The following RCC1 variants were observed in gnomAD, a reference collection of about 807,000 sequenced individuals.
RCC1 encodes the protein regulator of chromosome condensation 1.
In RCC1, 11 loss-of-function variants were observed where a neutral mutation model predicts 44.4. The ratio of observed to expected loss-of-function variants is 0.25; its 90% CI spans 0.16 to 0.41. The LOEUF is 0.41. Ranked by LOEUF, RCC1 falls within the 10% of genes least tolerant of loss-of-function variation. RCC1 has a pLI of 1.00. For missense variants in RCC1, 386 were observed against 547.1 expected, an observed-to-expected ratio of 0.71 and a Z score of 2.94; for synonymous variants, 213 against 216.5, an observed-to-expected ratio of 0.98 and a Z score of 0.14.
rs563219375 is a variant in RCC1 at position 28,512,070 on chromosome 1, G to T, written c.-153+3165G>T. On this transcript the variant is annotated intron_variant, in intron 3 of 12. Transcript: ENST00000683442. Reference sequence around the variant, plus strand: ...GCTCACTGCTACCTCTGCTTCCTGGGTTCAAGCGATTCTCCTGCCTCAACC... The same window carrying T: ...GCTCACTGCTACCTCTGCTTCCTGGTTTCAAGCGATTCTCCTGCCTCAACC... Among the ~76,000 whole-genome samples the T allele has an allele frequency of 7.4e-5, 11 of 149,182 alleles. No individual in the cohort carries two copies. In the East Asian group the frequency reaches 2.2e-3, roughly 29 times the overall value.
chr1:28,509,830 G>GT (rs1379585693), intron 3 of RCC1: 2 of 152,290 alleles, frequency 1.3e-5, no homozygotes, highest in Middle Eastern at 3.4e-3. Context: ...CAATAGGACC[G>GT]TAAGTCTGGG....
At chr1:28,514,783 G>A (rs945611667) in intron 3 of RCC1, among the ~76,000 whole-genome samples, 13 of 151,384 alleles carry the variant, frequency 8.6e-5, no homozygotes, top group African/African-American at 2.9e-4. Flanking sequence ...ACAATCTTCC[G>A]GCTGGGCACA....
In RCC1 at chr1:28,508,814, ATTTC is replaced by A. The variant is rs1557865084; in HGVS notation, c.-228-12_-228-9del. On this transcript the variant is annotated splice_polypyrimidine_tract_variant and intron_variant, in intron 2 of 12. Coordinates refer to ENST00000683442, the MANE Select transcript of RCC1 (RefSeq NM_001381865.2). ...TAGGATCTTCAGGAGTCTAATCATT[ATTTC>A]TTTTCTTTTAGGAGAGAAGACGATC... The A allele has an allele frequency of 5.8e-6, 3 of 517,406 alleles. No individual in the cohort carries two copies. The Admixed American group carries it at 5.8e-5, about 10-fold the overall frequency. The allele number at this position is 517,406 out of a possible 1,614,324, so 32.1% of individuals were successfully genotyped here. A position where few individuals can be genotyped will look rare whatever the true frequency, so the allele number is the denominator to read the frequency against.
chr1:28,537,028 C>G, intron 12 of RCC1, 129 bp downstream of exon 12: 1 of 963,010 alleles, frequency 1.0e-6, no homozygotes, highest in Non-Finnish European at 1.6e-6. Context: ...TGTGATGGCA[C>G]TTTGTTCCTG....
intron 1 of RCC1, chr1:28,506,304 CCT>C (rs1289777258): frequency 6.9e-6 from 3 of 436,232 alleles, no homozygotes; most frequent in Middle Eastern, 5.1e-4. Flanking sequence ...CGTGCCTCAG[CCT>C]CTCCAGCAGC....
At chr1:28,523,298 C>T (rs1032855708) in intron 4 of RCC1, among the ~76,000 whole-genome samples, 11 of 152,050 alleles carry the variant, frequency 7.2e-5, no homozygotes, top group Admixed American at 2.6e-4. Flanking sequence ...GGATTACAGG[C>T]GTGAGCCACC....
intron 4 of RCC1, among the ~76,000 whole-genome samples, chr1:28,525,155 T>C (rs1421614619): frequency 6.6e-6 from 1 of 152,116 alleles, no homozygotes; most frequent in Admixed American, 6.6e-5. Flanking sequence ...CATGCACTGG[T>C]TATCAGAACG....
At chr1:28,534,982 C>T in intron 7 of RCC1, 68 bp from the exon 8 acceptor site, 2 of 1,235,204 alleles carry the variant, frequency 1.6e-6, no homozygotes, top group Non-Finnish European at 2.4e-6. Flanking sequence ...GGTGCCACTG[C>T]CCTTCTGGAT....
chr1:28,521,133 A>G (rs933056063), intron 4 of RCC1, among the ~76,000 whole-genome samples: 21 of 152,144 alleles, frequency 1.4e-4, no homozygotes, highest in Non-Finnish European at 2.9e-5. Flanking sequence ...CAGTGAGAGA[A>G]GTCTGTATAC....
chr1:28,537,463 G>A (rs1004168278), intron 12 of RCC1, among the ~76,000 whole-genome samples: 63 of 152,268 alleles, frequency 4.1e-4, no homozygotes, highest in African/African-American at 1.4e-3. Flanking sequence ...CAGGAAGTGG[G>A]GCTTGCACTG....
chr1:28,534,963 T>A, intron 7 of RCC1, 87 bp from the exon 8 acceptor site: 1 of 993,986 alleles, frequency 1.0e-6, no homozygotes, highest in Non-Finnish European at 1.6e-6. Flanking sequence ...CACTTCTCCA[T>A]CCCCATCTGG....
intron 5 of RCC1, among the ~76,000 whole-genome samples, chr1:28,531,032 C>T (rs1362689712): frequency 2.0e-5 from 3 of 152,110 alleles, no homozygotes; most frequent in Non-Finnish European, 4.4e-5. Context: ...AGATCGAGAC[C>T]ATCCTGGCTA....
intron 4 of RCC1, chr1:28,526,344 A>G (rs940888904): frequency 2.8e-6 from 1 of 358,156 alleles, no homozygotes; most frequent in Non-Finnish European, 5.4e-6. Flanking sequence ...ATTGGGGTCA[A>G]TTATGAAGAG....
At chr1:28,527,168 G>A in intron 4 of RCC1, 1 of 1,256,270 alleles carries the variant, frequency 8.0e-7, no homozygotes, top group East Asian at 2.5e-5. Context: ...TGCCCCCAAG[G>A]AATGGCACTC....
Position 28,508,910 on chromosome 1 carries a change from ACTG to A in RCC1, c.-153+6_-153+8del. On this transcript the variant is annotated splice_donor_region_variant and intron_variant, in intron 3 of 12. Transcript: ENST00000683442. ...TTTATATAGAAGGGAGAGTAGGTAA[ACTG>A]ATTTTTTTTTTTAACAGGGAGGGTT... The A allele has an allele frequency of 2.0e-6, 1 of 509,006 alleles. No individual in the cohort carries two copies. The highest frequency in any genetic ancestry group is 3.9e-6 in the Non-Finnish European group (1 of 257,482). 31.5% of individuals were successfully genotyped at this position (509,006 alleles called of 1,614,324 possible).
intron 3 of RCC1, among the ~76,000 whole-genome samples, chr1:28,511,950 C>T (rs552410916): frequency 6.1e-4 from 92 of 151,546 alleles, no homozygotes; most frequent in Non-Finnish European, 1.1e-3. Flanking sequence ...AGGCGTAAGC[C>T]ACTGCGCCTA....
At chr1:28,534,334 C>G (rs1379394959) in intron 7 of RCC1, among the ~76,000 whole-genome samples, 4 of 152,178 alleles carry the variant, frequency 2.6e-5, no homozygotes. Flanking sequence ...GCGCCCGCTA[C>G]AACGCCCGGC....
At chr1:28,531,628 TGA>T (rs1664179397) in intron 5 of RCC1, among the ~76,000 whole-genome samples, 173 bp from the exon 6 acceptor site, 2 of 149,148 alleles carry the variant, frequency 1.3e-5, no homozygotes, top group Admixed American at 1.3e-4. Context: ...AAAAATCCTG[TGA>T]GAGAGGTACT....
At chr1:28,526,748 T>C in intron 4 of RCC1, 1 of 530,812 alleles carries the variant, frequency 1.9e-6, no homozygotes, top group Non-Finnish European at 3.4e-6. Flanking sequence ...ATACAAAAAT[T>C]AGCCAGGCGT....
Sources: allele counts gnomAD v4.1 joint callset (sites outside exome capture counted in the v4.1 genomes callset), GRCh38; gene constraint gnomAD v4.1.1; transcripts MANE v1.5; gene names NCBI Gene and HGNC (gene_info 2026-07-23, HGNC 2026-07-21).